Variants in NXPH1 observed in about 807,000 individuals in gnomAD.
NXPH1 encodes neurexophilin 1, also known as neurexophilin-1.
In NXPH1, 5 loss-of-function variants were observed where a neutral mutation model predicts 23.7. The ratio of observed to expected loss-of-function variants is 0.21; its 90% CI spans 0.11 to 0.44. NXPH1 has a LOEUF of 0.44. Among genes scored for constraint, NXPH1 ranks in the 20% least tolerant of loss-of-function variants. NXPH1 has a pLI of 0.99. For synonymous variants in NXPH1, 144 were observed against 122.2 expected (o/e 1.18, Z -1.18); for missense variants, 324 against 321.6 (o/e 1.01, Z -0.06).
Position 8,735,891 on chromosome 7 carries a change from C to T in NXPH1, c.55-15117C>T, listed in dbSNP as rs141150155. On this transcript the variant is annotated intron_variant, in intron 2 of 2. Coordinates refer to ENST00000405863, the MANE Select transcript of NXPH1 (RefSeq NM_152745.3). ...GGGTGTATGTGTCCAGGAATTTATC[C>T]ATTTTTTCTAGATCTTCTAGTTTAT... Among the ~76,000 whole-genome samples, 49 of 152,232 alleles carry T rather than the reference C, an allele frequency of 3.2e-4. 2 individuals carry two copies. The East Asian group carries it at 8.5e-3, about 26-fold the overall frequency.
At chr7:8,653,243 G>C (rs956330480) in intron 2 of NXPH1, among the ~76,000 whole-genome samples, 3 of 150,556 alleles carry the variant, frequency 2.0e-5, no homozygotes, top group Non-Finnish European at 2.9e-5. Flanking sequence ...AAAAATAAAC[G>C]TTCCTAAATA....
intron 2 of NXPH1, among the ~76,000 whole-genome samples, chr7:8,513,478 CA>C (rs1817641184): frequency 6.6e-6 from 1 of 152,082 alleles, no homozygotes; most frequent in Non-Finnish European, 1.5e-5. Flanking sequence ...GTGTTGATTA[CA>C]ATGTATACCA....
rs75112664 is a variant in NXPH1 at position 8,692,859 on chromosome 7, T to C, written c.55-58149T>C. On this transcript the variant is annotated intron_variant, in intron 2 of 2. Coordinates refer to ENST00000405863, the MANE Select transcript of NXPH1 (RefSeq NM_152745.3). ...GTTGTTAGGTAGATGAAATGACCCA[T>C]GCTGAATGAATGTGACAAGGAAGAA... 4.6e-3 allele frequency among the ~76,000 whole-genome samples: 706 copies of C among 152,252 alleles called. 3 individuals carry two copies. Among genetic ancestry groups the C allele is most frequent in the African/African-American group, 0.016 (660 of 41,540 alleles).
At chr7:8,732,038 T>C (rs2115217722) in intron 2 of NXPH1, among the ~76,000 whole-genome samples, 1 of 152,322 alleles carries the variant, frequency 6.6e-6, no homozygotes, top group African/African-American at 2.4e-5. Context: ...GGATATAATC[T>C]CCTGGTGCGC....
chr7:8,450,136 C>T (rs1816481270), intron 2 of NXPH1, among the ~76,000 whole-genome samples: 1 of 152,178 alleles, frequency 6.6e-6, no homozygotes, highest in Non-Finnish European at 1.5e-5. Flanking sequence ...TCTAACAAAT[C>T]ACACTCATGT....
intron 2 of NXPH1, among the ~76,000 whole-genome samples, chr7:8,570,498 A>G (rs113244368): frequency 0.036 from 5,468 of 152,164 alleles, 130 homozygotes; most frequent in Non-Finnish European, 0.058. Context: ...CTTGTATACT[A>G]TAGTAATCAG....
intron 2 of NXPH1, among the ~76,000 whole-genome samples, chr7:8,581,488 G>A (rs1243627236): frequency 6.6e-6 from 1 of 152,150 alleles, no homozygotes; most frequent in East Asian, 1.9e-4. Flanking sequence ...CAGATCATGT[G>A]AGAGCTCACT....
chr7:8,492,585 G>A (rs1817266695), intron 2 of NXPH1, among the ~76,000 whole-genome samples: 1 of 152,028 alleles, frequency 6.6e-6, no homozygotes, highest in African/African-American at 2.4e-5. Context: ...ACTTCATGGA[G>A]CTTACACAAT....
chr7:8,651,008 C>T (rs964897885), intron 2 of NXPH1, among the ~76,000 whole-genome samples: 3 of 151,214 alleles, frequency 2.0e-5, no homozygotes, highest in African/African-American at 7.3e-5. Flanking sequence ...TTTTAGGGTA[C>T]ATGTGCACAA....
intron 2 of NXPH1, among the ~76,000 whole-genome samples, chr7:8,453,479 T>C (rs1487385823): frequency 1.3e-5 from 2 of 152,164 alleles, no homozygotes; most frequent in African/African-American, 2.4e-5. Context: ...GGTTGTTTTA[T>C]AAACTTAGTA....
Position 8,592,761 on chromosome 7 carries a change from G to C in NXPH1, c.54+156994G>C, listed in dbSNP as rs576070303. Among the ~76,000 whole-genome samples the C allele has an allele frequency of 5.3e-5, 8 of 151,176 alleles. No individual in the cohort carries two copies. The South Asian group carries it at 1.7e-3, about 32-fold the overall frequency. ...AATAAATAGGTGTGGCAGTGTTCCC[G>C]TAATGCTTTATTTTTGGACACTGAA... On this transcript the variant is annotated intron_variant, in intron 2 of 2. Coordinates refer to ENST00000405863, the MANE Select transcript of NXPH1 (RefSeq NM_152745.3).
chr7:8,541,045 T>C (rs964713910), intron 2 of NXPH1, among the ~76,000 whole-genome samples: 1 of 151,646 alleles, frequency 6.6e-6, no homozygotes, highest in African/African-American at 2.4e-5. Flanking sequence ...TTGAAAACTA[T>C]CAGGCATGTA....
chr7:8,628,589 T>TA (rs146880357), intron 2 of NXPH1, among the ~76,000 whole-genome samples: 32 of 145,964 alleles, frequency 2.2e-4, no homozygotes, highest in Admixed American at 7.6e-4. Context: ...TGTGTATGTA[T>TA]AAAAAAAAAA....
rs1434612275 is a variant in NXPH1 at position 8,601,091 on chromosome 7, A to G, written c.55-149917A>G. Among the ~76,000 whole-genome samples the G allele has an allele frequency of 7.9e-5, 12 of 152,300 alleles. No homozygotes were observed. In the East Asian group the frequency reaches 2.3e-3, roughly 29 times the overall value. On this transcript the variant is annotated intron_variant, in intron 2 of 2. Transcript: ENST00000405863. ...GACATTTTATATCAGGAACTTGAGC[A>G]TCCCCAAATTTTGGTATCCACAGGA...
intron 2 of NXPH1, among the ~76,000 whole-genome samples, chr7:8,702,979 C>T (rs1342735465): frequency 1.3e-5 from 2 of 152,120 alleles, no homozygotes; most frequent in East Asian, 3.9e-4. Flanking sequence ...TGCTCTCCTT[C>T]ATTAGATGGC....
intron 2 of NXPH1, among the ~76,000 whole-genome samples, chr7:8,693,953 A>T (rs939975493): frequency 2.6e-5 from 4 of 152,216 alleles, no homozygotes; most frequent in Non-Finnish European, 5.9e-5. Context: ...TACTTATGTA[A>T]TCATCCAATG....
chr7:8,550,584 A>C (rs1180795582), intron 2 of NXPH1, among the ~76,000 whole-genome samples: 2 of 151,592 alleles, frequency 1.3e-5, no homozygotes, highest in African/African-American at 2.4e-5. Context: ...ATCAGAAATA[A>C]TAACTCTTGA....
chr7:8,747,481 C>T (rs1201576411), intron 2 of NXPH1, among the ~76,000 whole-genome samples: 5 of 152,130 alleles, frequency 3.3e-5, no homozygotes, highest in African/African-American at 9.7e-5. Context: ...GGGATAATTT[C>T]GTTACTGCTT....
At chr7:8,661,931 A>C (rs1022806035) in intron 2 of NXPH1, among the ~76,000 whole-genome samples, 2 of 152,014 alleles carry the variant, frequency 1.3e-5, no homozygotes, top group African/African-American at 4.8e-5. Flanking sequence ...TATCCCCCCC[A>C]AAAAACAAAC....
Sources: allele counts gnomAD v4.1 joint callset (sites outside exome capture counted in the v4.1 genomes callset), GRCh38; gene constraint gnomAD v4.1.1; transcripts MANE v1.5; gene names NCBI Gene and HGNC (gene_info 2026-07-23, HGNC 2026-07-21).